Variants in NOX4 observed in about 807,000 individuals in gnomAD.
NOX4 encodes the protein NADPH oxidase 4.
NOX4 carries 69 observed loss-of-function variants against 87.6 expected under a neutral mutation model. The ratio of observed to expected loss-of-function variants is 0.79; its 90% CI spans 0.65 to 0.96. NOX4 has a LOEUF of 0.96. NOX4 is among the 40% of genes least tolerant of loss of function. NOX4 has a pLI of 0.00. For synonymous variants in NOX4, 275 were observed against 238.2 expected, an observed-to-expected ratio of 1.15 and a Z score of -1.42; for missense variants, 680 against 681.5, an observed-to-expected ratio of 1.00 and a Z score of 0.02.
chr11:89,506,142 G>A, the NOX4 span, among the ~76,000 whole-genome samples: 1 of 151,516 alleles, frequency 6.6e-6, no homozygotes, highest in Admixed American at 6.6e-5. Flanking sequence ...AATGTTTAAT[G>A]TCAATTCAGT....
intron 7 of NOX4, among the ~76,000 whole-genome samples, chr11:89,427,395 G>A (rs1158574608): frequency 6.6e-6 from 1 of 152,198 alleles, no homozygotes; most frequent in Non-Finnish European, 1.5e-5. Context: ...CGAGTTGAGA[G>A]AAGAAGGCTT....
At chr11:89,507,875 G>C in the NOX4 span, among the ~76,000 whole-genome samples, 1 of 151,082 alleles carries the variant, frequency 6.6e-6, no homozygotes, top group Non-Finnish European at 1.5e-5. Flanking sequence ...GAATTTCTTA[G>C]AAAAGTCAAA....
At chr11:89,431,271 A>T (rs1473137406) in intron 7 of NOX4, among the ~76,000 whole-genome samples, 2 of 152,196 alleles carry the variant, frequency 1.3e-5, no homozygotes, top group Non-Finnish European at 2.9e-5. Flanking sequence ...AACCTAGGCA[A>T]TACCATTCAG....
chr11:89,359,039 AAC>A (rs1938307667), intron 12 of NOX4, among the ~76,000 whole-genome samples: 1 of 152,098 alleles, frequency 6.6e-6, no homozygotes, highest in East Asian at 1.9e-4. Flanking sequence ...TATCTTAATT[AAC>A]ACAAGCTTTT....
intron 4 of NOX4, among the ~76,000 whole-genome samples, chr11:89,444,954 T>C (rs1944626456): frequency 6.6e-6 from 1 of 152,046 alleles, no homozygotes. Context: ...TTTGAGGAGG[T>C]TGGGTAAGGA....
chr11:89,439,666 T>C (rs2135349415), intron 6 of NOX4, among the ~76,000 whole-genome samples: 1 of 152,156 alleles, frequency 6.6e-6, no homozygotes, highest in East Asian at 1.9e-4. Flanking sequence ...AAATATGTGC[T>C]AAAAATTCCC....
At chr11:89,332,525 T>C (rs1328946822) in intron 17 of NOX4, among the ~76,000 whole-genome samples, 2 of 152,066 alleles carry the variant, frequency 1.3e-5, no homozygotes, top group East Asian at 3.9e-4. Flanking sequence ...GTTTACAATG[T>C]AATATTTAGA....
the NOX4 span, among the ~76,000 whole-genome samples, chr11:89,568,467 A>T: frequency 2.0e-5 from 3 of 152,208 alleles, no homozygotes; most frequent in Non-Finnish European, 4.4e-5. Context: ...CTAGGAAGAC[A>T]GCTAACCAGA....
At chr11:89,530,227 A>C in the NOX4 span, among the ~76,000 whole-genome samples, 1 of 151,174 alleles carries the variant, frequency 6.6e-6, no homozygotes, top group Non-Finnish European at 1.5e-5. Flanking sequence ...TACTGTCAAC[A>C]TACTAGATGT....
At chr11:89,361,360 A>G (rs1244084029) in intron 12 of NOX4, among the ~76,000 whole-genome samples, 3 of 152,128 alleles carry the variant, frequency 2.0e-5, no homozygotes, top group African/African-American at 7.2e-5. Context: ...TGGAAAACTA[A>G]ATATCCTGTG....
At chr11:89,357,490 A>G (rs1938159206) in intron 12 of NOX4, among the ~76,000 whole-genome samples, 1 of 152,124 alleles carries the variant, frequency 6.6e-6, no homozygotes, top group Admixed American at 6.6e-5. Context: ...CTTGGTTTTC[A>G]GTCTACTTGC....
chr11:89,341,174 G>A (rs567142802), intron 14 of NOX4, among the ~76,000 whole-genome samples: 3 of 142,114 alleles, frequency 2.1e-5, no homozygotes, highest in East Asian at 4.2e-4. Context: ...CGAGACTGGA[G>A]TGCAGTGGCG....
At chr11:89,377,625 T>A (rs1261733803) in intron 11 of NOX4, among the ~76,000 whole-genome samples, 1 of 152,140 alleles carries the variant, frequency 6.6e-6, no homozygotes, top group African/African-American at 2.4e-5. Flanking sequence ...ATGATGTAAC[T>A]GCACATTATT....
At chr11:89,382,706 C>T (rs116822159) in intron 11 of NOX4, among the ~76,000 whole-genome samples, 1 of 152,048 alleles carries the variant, frequency 6.6e-6, no homozygotes, top group Non-Finnish European at 1.5e-5. Context: ...TCCACTCCCC[C>T]ACCCTATAAT....
At chr11:89,481,261 A>G (rs1946379638) in intron 2 of NOX4, among the ~76,000 whole-genome samples, 1 of 151,970 alleles carries the variant, frequency 6.6e-6, no homozygotes, top group African/African-American at 2.4e-5. Flanking sequence ...TGTTATATAT[A>G]TATGTGTGTG....
the NOX4 span, among the ~76,000 whole-genome samples, chr11:89,518,876 A>G: frequency 6.6e-6 from 1 of 151,252 alleles, no homozygotes; most frequent in Non-Finnish European, 1.5e-5. Flanking sequence ...ATAATTTTCC[A>G]TTTAAAGATC....
At chr11:89,520,974 G>A in the NOX4 span, among the ~76,000 whole-genome samples, 5 of 152,008 alleles carry the variant, frequency 3.3e-5, no homozygotes, top group South Asian at 4.1e-4. Context: ...CTAGGAATAC[G>A]TCTAAGTAAG....
chr11:89,490,638 G>C (rs764831131), intron 1 of NOX4, 85 bp from the exon 2 acceptor site: 2 of 952,522 alleles, frequency 2.1e-6, no homozygotes, highest in Non-Finnish European at 3.4e-6. Flanking sequence ...TAAATTCTTC[G>C]ACACAGTGCT....
At chr11:89,544,556 G>T in the NOX4 span, among the ~76,000 whole-genome samples, 1 of 151,922 alleles carries the variant, frequency 6.6e-6, no homozygotes, top group African/African-American at 2.4e-5. Context: ...TTAACATACT[G>T]ACAATAATAA....
Sources: gnomAD v4.1 joint callset for allele counts (sites outside exome capture counted in the v4.1 genomes callset) on GRCh38, gnomAD v4.1.1 for gene constraint, MANE v1.5 for transcripts, NCBI Gene and HGNC (gene_info 2026-07-23, HGNC 2026-07-21) for gene names.